The following LCLAT1 variants were observed in gnomAD, a reference collection of about 807,000 sequenced individuals.
The protein encoded by LCLAT1 is lysocardiolipin acyltransferase 1.
Under a neutral mutation model 30.7 loss-of-function variants are expected in LCLAT1, and 11 were observed. That is an observed-to-expected ratio of 0.36 (90% CI 0.23 to 0.59). The LOEUF (loss-of-function observed/expected upper bound fraction) is 0.59. LCLAT1 is among the 20% of genes least tolerant of loss of function. The probability of loss-of-function intolerance (pLI) is 0.77; values close to 1 mark genes in which losing one functional copy is unlikely to be tolerated. For missense variants in LCLAT1, 402 were observed against 458.6 expected, an observed-to-expected ratio of 0.88 and a Z score of 1.13; for synonymous variants, 155 against 151.3, an observed-to-expected ratio of 1.02 and a Z score of -0.18.
In LCLAT1 at chr2:30,574,780, A is replaced by AC. The variant is rs565174350; in HGVS notation, c.628+6604_628+6605insC. Among the ~76,000 whole-genome samples, 539 of 152,272 alleles carry AC rather than the reference A, an allele frequency of 3.5e-3. 2 individuals carry two copies. Among genetic ancestry groups the AC allele is most frequent in the South Asian group, 6.6e-3 (32 of 4,824 alleles). On this transcript the variant is annotated intron_variant, in intron 5 of 5. Transcript: ENST00000379509. ...GTTCTACAGATACTTTGTGTCATGA[A>AC]GCGCTGCAGAGTCAAGAGCTATAGT...
At chr2:30,548,516 GA>G (rs1263820987) in intron 3 of LCLAT1, among the ~76,000 whole-genome samples, 1 of 152,190 alleles carries the variant, frequency 6.6e-6, no homozygotes, top group Non-Finnish European at 1.5e-5. Flanking sequence ...TAATGGAAAG[GA>G]TTGTTTAGGT....
chr2:30,568,654 C>T lies in LCLAT1; in HGVS notation c.628+478C>T, dbSNP rs542801472. Among the ~76,000 whole-genome samples the T allele has an allele frequency of 2.0e-5, 3 of 150,732 alleles. No individual in the cohort carries two copies. The South Asian group carries it at 6.3e-4, about 32-fold the overall frequency. ...TCCCAAGTAGCTGGGACTACAGGTGCCCACCACCACGCCCAGCTAATTTTT... is the reference window on the plus strand; with the variant it reads ...TCCCAAGTAGCTGGGACTACAGGTGTCCACCACCACGCCCAGCTAATTTTT... On this transcript the variant is annotated intron_variant, in intron 5 of 5. Transcript: ENST00000379509.
chr2:30,540,490 A>G (rs1031377952), intron 3 of LCLAT1, among the ~76,000 whole-genome samples: 3 of 152,166 alleles, frequency 2.0e-5, no homozygotes, highest in African/African-American at 7.2e-5. Context: ...AGTATGAGAG[A>G]TATTGTCCAT....
intron 5 of LCLAT1, among the ~76,000 whole-genome samples, chr2:30,633,040 G>GAATC (rs1240140774): frequency 6.6e-6 from 1 of 152,136 alleles, no homozygotes; most frequent in Non-Finnish European, 1.5e-5. Context: ...AAATATATCT[G>GAATC]AATCAATCCA....
intron 3 of LCLAT1, among the ~76,000 whole-genome samples, chr2:30,540,432 A>G (rs1383165545): frequency 6.6e-6 from 1 of 152,184 alleles, no homozygotes; most frequent in East Asian, 1.9e-4. Context: ...TTTGTGCAGT[A>G]TTTCACATAA....
At chr2:30,485,774 G>A (rs1323598749) in intron 1 of LCLAT1, among the ~76,000 whole-genome samples, 1 of 152,232 alleles carries the variant, frequency 6.6e-6, no homozygotes, top group South Asian at 2.1e-4. Flanking sequence ...GTTCCTTTAG[G>A]AATGGAACTT....
In LCLAT1 at chr2:30,643,889, A is replaced by T. The variant is rs1057418295; in HGVS notation, c.*3270A>T. On this transcript the variant is annotated 3_prime_UTR_variant, in exon 6 of 6. Coordinates refer to ENST00000379509, the MANE Select transcript of LCLAT1 (RefSeq NM_001002257.3). ...CTAAACACTGGTCACTGTAGCAGGT[A>T]AACACTACTCTAACGTGGAGAAATG... The T allele has an allele frequency of 2.6e-5, 4 of 152,646 alleles. No individual in the cohort carries two copies. The highest frequency in any genetic ancestry group is 9.6e-5 in the African/African-American group (4 of 41,464). The allele number at this position is 152,646 out of a possible 1,614,324, so 9.5% of individuals were successfully genotyped here.
intron 2 of LCLAT1, among the ~76,000 whole-genome samples, chr2:30,530,987 C>T (rs10210365): frequency 0.13 from 19,195 of 152,066 alleles, 1,349 homozygotes; most frequent in South Asian, 0.23. Context: ...AACTCTTGGC[C>T]GGGCACGGTG....
chr2:30,544,640 TCCC>T (rs766291571), intron 3 of LCLAT1, among the ~76,000 whole-genome samples: 490 of 152,248 alleles, frequency 3.2e-3, no homozygotes, highest in Non-Finnish European at 5.6e-3. Context: ...CTTCTCAACT[TCCC>T]CTCTGTGTGT....
chr2:30,524,485 G>A (rs552369899), intron 1 of LCLAT1, among the ~76,000 whole-genome samples: 1 of 152,294 alleles, frequency 6.6e-6, no homozygotes, highest in African/African-American at 2.4e-5. Context: ...GTTACCCACA[G>A]TCAACTGTGG....
chr2:30,531,330 T>A (rs1685974527), intron 2 of LCLAT1, among the ~76,000 whole-genome samples: 1 of 152,168 alleles, frequency 6.6e-6, no homozygotes. Flanking sequence ...TCTGCCATGA[T>A]CCTTTTTACC....
At chr2:30,516,277 C>G (rs1685180202) in intron 1 of LCLAT1, among the ~76,000 whole-genome samples, 1 of 152,112 alleles carries the variant, frequency 6.6e-6, no homozygotes, top group African/African-American at 2.4e-5. Context: ...CAACTGCACA[C>G]TCTTCTGGTC....
intron 1 of LCLAT1, among the ~76,000 whole-genome samples, chr2:30,519,451 G>A (rs1056111273): frequency 8.5e-5 from 13 of 152,138 alleles, no homozygotes; most frequent in Admixed American, 3.3e-4. Context: ...TAGAGTGGTC[G>A]TCAGCCAACC....
At chr2:30,511,106 T>C (rs1684919234) in intron 1 of LCLAT1, among the ~76,000 whole-genome samples, 2 of 152,176 alleles carry the variant, frequency 1.3e-5, no homozygotes, top group African/African-American at 4.8e-5. Context: ...CTGTTCCTAA[T>C]AAAAAATGGG....
At chr2:30,612,375 A>G (rs768690917) in intron 5 of LCLAT1, among the ~76,000 whole-genome samples, 3 of 152,172 alleles carry the variant, frequency 2.0e-5, no homozygotes, top group Non-Finnish European at 4.4e-5. Context: ...CCTTAAACCT[A>G]TAAAAGGCAC....
intron 5 of LCLAT1, among the ~76,000 whole-genome samples, chr2:30,615,362 T>C (rs1202785230): frequency 1.3e-5 from 2 of 152,122 alleles, no homozygotes; most frequent in African/African-American, 2.4e-5. Context: ...GTACGAGTTG[T>C]GCAAATTTCT....
At chr2:30,573,303 T>C (rs180777685) in intron 5 of LCLAT1, among the ~76,000 whole-genome samples, 66 of 152,322 alleles carry the variant, frequency 4.3e-4, no homozygotes, top group Non-Finnish European at 6.0e-4. Context: ...CCCTGAATTA[T>C]CATACAGCTG....
chr2:30,579,067 C>T (rs996663825), intron 5 of LCLAT1, among the ~76,000 whole-genome samples: 7 of 152,038 alleles, frequency 4.6e-5, no homozygotes, highest in African/African-American at 1.4e-4. Flanking sequence ...TCTGTTGCCA[C>T]GGCACCTGGC....
At chr2:30,483,630 T>G (rs1482767571) in intron 1 of LCLAT1, among the ~76,000 whole-genome samples, 1 of 152,220 alleles carries the variant, frequency 6.6e-6, no homozygotes, top group Non-Finnish European at 1.5e-5. Flanking sequence ...CTTTAATTTT[T>G]TTTTAATGTC....
Sources: gnomAD v4.1 joint callset for allele counts (sites outside exome capture counted in the v4.1 genomes callset) on GRCh38, gnomAD v4.1.1 for gene constraint, MANE v1.5 for transcripts, NCBI Gene and HGNC (gene_info 2026-07-23, HGNC 2026-07-21) for gene names.